Variants in SLC20A2 observed in about 807,000 individuals in gnomAD.
SLC20A2 encodes solute carrier family 20 member 2, also known as sodium-dependent phosphate transporter 2.
In SLC20A2, 30 loss-of-function variants were observed where a neutral mutation model predicts 61.0. The ratio of observed to expected loss-of-function variants is 0.49; its 90% CI spans 0.37 to 0.67. The LOEUF (loss-of-function observed/expected upper bound fraction) is 0.67, where lower values mean the gene tolerates loss of function less well. Among genes scored for constraint, SLC20A2 ranks in the 30% least tolerant of loss-of-function variants. SLC20A2 has a pLI of 0.00. For synonymous variants in SLC20A2, 351 were observed against 353.3 expected (o/e 0.99, Z 0.07); for missense variants, 626 against 866.4 (o/e 0.72, Z 3.48).
intron 1 of SLC20A2, among the ~76,000 whole-genome samples, chr8:42,533,023 A>C (rs966457395): frequency 5.3e-5 from 8 of 152,238 alleles, no homozygotes; most frequent in Non-Finnish European, 1.0e-4. Flanking sequence ...AGTGGGACCA[A>C]GTGATAAACA....
At chr8:42,445,858 CT>C (rs1805173892) in intron 5 of SLC20A2, among the ~76,000 whole-genome samples, 1 of 152,254 alleles carries the variant, frequency 6.6e-6, no homozygotes, top group South Asian at 2.1e-4. Flanking sequence ...CAACTGAGGC[CT>C]CTCCTAGTTC....
chr8:42,454,985 G>A (rs1033524106), intron 5 of SLC20A2, among the ~76,000 whole-genome samples: 1 of 151,748 alleles, frequency 6.6e-6, no homozygotes, highest in Non-Finnish European at 1.5e-5. Context: ...CAGCACTTTG[G>A]GAGGCCGAGG....
intron 1 of SLC20A2, among the ~76,000 whole-genome samples, chr8:42,488,420 C>T (rs999769416): frequency 6.6e-6 from 1 of 151,920 alleles, no homozygotes; most frequent in Non-Finnish European, 1.5e-5. Flanking sequence ...AAACTCCTGA[C>T]CTTGTGATCC....
chr8:42,523,219 A>T (rs1304121139), intron 1 of SLC20A2, among the ~76,000 whole-genome samples: 2 of 152,192 alleles, frequency 1.3e-5, no homozygotes, highest in African/African-American at 4.8e-5. Flanking sequence ...AGTCCCAGCT[A>T]CTACGGAGGT....
intron 1 of SLC20A2, among the ~76,000 whole-genome samples, chr8:42,530,851 G>C (rs1812274850): frequency 7.2e-5 from 11 of 152,128 alleles, no homozygotes; most frequent in Admixed American, 7.2e-4. Context: ...CAGTAGCTGG[G>C]ATTACAGATG....
At chr8:42,464,410 C>T (rs1350200678) in intron 3 of SLC20A2, among the ~76,000 whole-genome samples, 1 of 151,666 alleles carries the variant, frequency 6.6e-6, no homozygotes, top group East Asian at 1.9e-4. Context: ...GCCTGAGCCA[C>T]TGCGCCTGAC....
intron 1 of SLC20A2, among the ~76,000 whole-genome samples, chr8:42,473,074 G>C (rs1807775139): frequency 6.6e-6 from 1 of 152,202 alleles, no homozygotes; most frequent in Admixed American, 6.5e-5. Context: ...CCAAATCTGA[G>C]TCTGTGATAC....
At chr8:42,539,043 T>C (rs1343892320) in intron 1 of SLC20A2, among the ~76,000 whole-genome samples, 2 of 152,198 alleles carry the variant, frequency 1.3e-5, no homozygotes, top group South Asian at 2.1e-4. Context: ...AAGGAAAACA[T>C]GTATACATCT....
At chr8:42,500,741 A>G (rs1212169688) in intron 1 of SLC20A2, among the ~76,000 whole-genome samples, 1 of 152,200 alleles carries the variant, frequency 6.6e-6, no homozygotes, top group Non-Finnish European at 1.5e-5. Context: ...ATTTACAGAA[A>G]CCATATCCAT....
intron 10 of SLC20A2, among the ~76,000 whole-genome samples, chr8:42,420,791 T>A (rs1186184991): frequency 6.6e-5 from 10 of 152,186 alleles, no homozygotes; most frequent in Non-Finnish European, 1.2e-4. Flanking sequence ...TTGCAAACCA[T>A]CACCACAATC....
intron 1 of SLC20A2, chr8:42,536,365 T>A (rs1234084120): frequency 6.6e-6 from 1 of 152,242 alleles, no homozygotes; most frequent in East Asian, 1.9e-4. Flanking sequence ...CTGCAACGTG[T>A]GTGTGTCCTC....
chr8:42,541,676 T>A (rs1282383430), intron 1 of SLC20A2: 1 of 149,232 alleles, frequency 6.7e-6, no homozygotes, highest in Non-Finnish European at 1.5e-5. Flanking sequence ...GGAGCAGCGC[T>A]GGCCGCGTGC....
At chr8:42,461,336 C>A (rs932317778) in intron 4 of SLC20A2, among the ~76,000 whole-genome samples, 1 of 152,162 alleles carries the variant, frequency 6.6e-6, no homozygotes, top group African/African-American at 2.4e-5. Context: ...TATGCCGTTT[C>A]CATGGCATTG....
intron 6 of SLC20A2, among the ~76,000 whole-genome samples, chr8:42,443,911 T>C (rs1373898199): frequency 2.0e-5 from 3 of 152,230 alleles, no homozygotes. Context: ...TTCCGGATCA[T>C]GGGCTTCTGC....
Position 42,437,781 on chromosome 8 carries a change from CT to C in SLC20A2, c.935-205del, listed in dbSNP as rs371592937. ...CAAGCGCGACACCATGCCCAGCTAACTTTTTTGTATTTTTAGTAGAGATGGG... is the reference window on the plus strand; with the variant it reads ...CAAGCGCGACACCATGCCCAGCTAACTTTTTGTATTTTTAGTAGAGATGGG... On this transcript the variant is annotated intron_variant, in intron 7 of 10. Coordinates refer to ENST00000520262, the MANE Select transcript of SLC20A2 (RefSeq NM_001257180.2). This position sits in a 1 kb window ranked among gnomAD's most constrained non-coding sequence, Gnocchi z 6.4. 6.6e-6 allele frequency among the ~76,000 whole-genome samples: 1 copy of C among 151,626 alleles called. No homozygotes were observed. Among genetic ancestry groups the C allele is most frequent in the South Asian group, 2.1e-4 (1 of 4,810 alleles).
chr8:42,428,722 G>T, intron 10 of SLC20A2, 36 bp downstream of exon 10: 1 of 1,582,650 alleles, frequency 6.3e-7, no homozygotes. Flanking sequence ...CTGTCCCAGC[G>T]GCCTGGGGAA....
intron 8 of SLC20A2, among the ~76,000 whole-genome samples, chr8:42,436,720 G>C (rs879427810): frequency 6.6e-6 from 1 of 152,174 alleles, no homozygotes; most frequent in South Asian, 2.1e-4. Flanking sequence ...CTGCACCTCC[G>C]TCACCGGCCA....
chr8:42,520,107 G>T (rs112477844), intron 1 of SLC20A2, among the ~76,000 whole-genome samples: 1 of 144,620 alleles, frequency 6.9e-6, no homozygotes, highest in Non-Finnish European at 1.5e-5. Flanking sequence ...TCCATCTCCC[G>T]GGTTCAAGCA....
At chr8:42,508,236 T>C (rs1810829447) in intron 1 of SLC20A2, among the ~76,000 whole-genome samples, 1 of 152,206 alleles carries the variant, frequency 6.6e-6, no homozygotes. Flanking sequence ...CCCAGCACTT[T>C]GGGAGGCTGA....
Sources: gnomAD v4.1 joint callset for allele counts (sites outside exome capture counted in the v4.1 genomes callset) on GRCh38, gnomAD v4.1.1 for gene constraint, Gnocchi (gnomAD v3.1) non-coding constraint, MANE v1.5 for transcripts, NCBI Gene and HGNC (gene_info 2026-07-23, HGNC 2026-07-21) for gene names.